The following CYRIA variants were observed in gnomAD, a reference collection of about 807,000 sequenced individuals.
The protein encoded by CYRIA is CYFIP related Rac1 interactor A, also known as CYFIP-related Rac1 interactor A.
A neutral mutation model predicts 43.9 loss-of-function variants in CYRIA; 15 were observed. The ratio of observed to expected loss-of-function variants is 0.34; its 90% CI spans 0.23 to 0.53. The LOEUF (loss-of-function observed/expected upper bound fraction) is 0.53, where lower values mean the gene tolerates loss of function less well. Ranked by LOEUF, CYRIA falls within the 20% of genes least tolerant of loss-of-function variation. The probability of loss-of-function intolerance (pLI) is 0.94; values close to 1 mark genes in which losing one functional copy is unlikely to be tolerated. For missense variants in CYRIA, 236 were observed against 394.2 expected, an observed-to-expected ratio of 0.60 and a Z score of 3.40; for synonymous variants, 117 against 136.0, an observed-to-expected ratio of 0.86 and a Z score of 0.97.
chr2:16,580,212 GT>G (rs978311222), intron 3 of CYRIA, among the ~76,000 whole-genome samples: 1 of 152,038 alleles, frequency 6.6e-6, no homozygotes, highest in Non-Finnish European at 1.5e-5. Context: ...CCTCCCAAAG[GT>G]ATGGTGGTAT....
At chr2:16,566,922 A>T (rs1018624279) in intron 3 of CYRIA, among the ~76,000 whole-genome samples, 2 of 152,048 alleles carry the variant, frequency 1.3e-5, no homozygotes, top group African/African-American at 4.8e-5. Flanking sequence ...ATCTTATCAA[A>T]CTCTGTTTTC....
intron 2 of CYRIA, among the ~76,000 whole-genome samples, chr2:16,592,947 A>G (rs115517265): frequency 5.9e-5 from 9 of 152,320 alleles, no homozygotes; most frequent in South Asian, 2.1e-4. Context: ...CCTCAAGAAT[A>G]TAAAGCACCA....
rs139964974 is a variant in CYRIA, at chr2:16,556,191, C to T, written c.838-1052G>A. On this transcript the variant is annotated intron_variant, in intron 10 of 11. Transcript: ENST00000381323. ...CTTGCATGTCAAAAGTTTTATCTTA[C>T]GGCCTGATAGACCCTGATAGACTGA... is the stretch of plus-strand genomic sequence containing the variant. 1.7e-4 allele frequency among the ~76,000 whole-genome samples: 26 copies of T among 152,208 alleles called. No individual in the cohort carries two copies. The East Asian group carries it at 3.9e-3, about 23-fold the overall frequency.
intron 1 of CYRIA, among the ~76,000 whole-genome samples, chr2:16,643,011 T>C (rs991634508): frequency 3.4e-5 from 5 of 149,004 alleles, no homozygotes; most frequent in African/African-American, 4.9e-5. Flanking sequence ...TTATTTATAA[T>C]AGTATACTAT....
At chr2:16,562,407 T>A (rs1159858141) in intron 5 of CYRIA, among the ~76,000 whole-genome samples, 3 of 152,122 alleles carry the variant, frequency 2.0e-5, no homozygotes, top group African/African-American at 7.2e-5. Flanking sequence ...TATTTAGTAA[T>A]CTCAATTTCT....
chr2:16,581,709 G>T (rs1301167294), intron 3 of CYRIA, among the ~76,000 whole-genome samples: 1 of 152,024 alleles, frequency 6.6e-6, no homozygotes, highest in Non-Finnish European at 1.5e-5. Flanking sequence ...CCACTCCTAG[G>T]TATTTACCCA....
At chr2:16,649,925 T>G (rs1669927659) in intron 1 of CYRIA, among the ~76,000 whole-genome samples, 1 of 151,762 alleles carries the variant, frequency 6.6e-6, no homozygotes, top group Admixed American at 6.6e-5. Context: ...CCAAATGGAG[T>G]GAAAATAGAA....
intron 2 of CYRIA, among the ~76,000 whole-genome samples, chr2:16,612,278 A>G (rs1201570501): frequency 6.6e-6 from 1 of 152,072 alleles, no homozygotes; most frequent in African/African-American, 2.4e-5. Flanking sequence ...TTAGAAAGAA[A>G]GAGGGAAGGA....
chr2:16,655,952 C>T (rs947800631), intron 1 of CYRIA, among the ~76,000 whole-genome samples: 3 of 152,120 alleles, frequency 2.0e-5, no homozygotes, highest in Non-Finnish European at 4.4e-5. Context: ...TGCTTTCTGC[C>T]AGTTAATGTC....
At chr2:16,590,364 C>G (rs1667883889) in intron 2 of CYRIA, among the ~76,000 whole-genome samples, 1 of 152,142 alleles carries the variant, frequency 6.6e-6, no homozygotes, top group African/African-American at 2.4e-5. Context: ...GGTCTGGAGT[C>G]ACTTCTTGTA....
intron 3 of CYRIA, among the ~76,000 whole-genome samples, chr2:16,568,840 T>C (rs1201556418): frequency 3.3e-5 from 5 of 152,188 alleles, no homozygotes; most frequent in African/African-American, 1.2e-4. Flanking sequence ...AGCGGTCACC[T>C]GGCTCCACCC....
intron 10 of CYRIA, among the ~76,000 whole-genome samples, chr2:16,556,295 G>A (rs1666518955): frequency 6.6e-6 from 1 of 152,084 alleles, no homozygotes; most frequent in Non-Finnish European, 1.5e-5. Flanking sequence ...CATGGCAAAC[G>A]AGAGGTGTCT....
chr2:16,620,339 A>T (rs927027443), intron 2 of CYRIA, among the ~76,000 whole-genome samples: 5 of 152,194 alleles, frequency 3.3e-5, no homozygotes, highest in African/African-American at 1.2e-4. Context: ...AACAAAACTT[A>T]TGTTCTAACC....
chr2:16,615,400 C>A (rs910238774), intron 2 of CYRIA, among the ~76,000 whole-genome samples: 6 of 152,164 alleles, frequency 3.9e-5, no homozygotes, highest in Admixed American at 3.9e-4. Context: ...TACAAGTGGG[C>A]CCCTTGATTA....
Position 16,575,062 on chromosome 2 carries a change from T to G in CYRIA, c.71-9295A>C, listed in dbSNP as rs966595488. 3.9e-5 allele frequency among the ~76,000 whole-genome samples: 6 copies of G among 152,312 alleles called. 1 individual carries two copies. The East Asian group carries it at 1.2e-3, about 29-fold the overall frequency. On this transcript the variant is annotated intron_variant, in intron 3 of 11. Transcript: ENST00000381323. ...CCCTGCAAAGCTAAAGGCGCAGAGA[T>G]GCCCAAGGCCTTGGGAGCCCACCTC...
intron 2 of CYRIA, among the ~76,000 whole-genome samples, chr2:16,605,782 A>G (rs552825589): frequency 6.6e-6 from 1 of 152,316 alleles, no homozygotes; most frequent in South Asian, 2.1e-4. Flanking sequence ...TTTCTTCAGA[A>G]TTCATTCTCA....
At chr2:16,563,507 G>T (rs576619559) in intron 5 of CYRIA, among the ~76,000 whole-genome samples, 14 of 152,262 alleles carry the variant, frequency 9.2e-5, no homozygotes, top group African/African-American at 3.4e-4. Context: ...TTTCCAACCA[G>T]ATTTGGCATT....
Position 16,551,883 on chromosome 2 carries a change from T to C in CYRIA, c.*1053A>G, listed in dbSNP as rs1163588855. The C allele has an allele frequency of 1.3e-5, 2 of 152,126 alleles. No homozygotes were observed. The highest frequency in any genetic ancestry group is 4.8e-5 in the African/African-American group (2 of 41,438). 9.4% of individuals were successfully genotyped at this position (152,126 alleles called of 1,614,324 possible). On this transcript the variant is annotated 3_prime_UTR_variant, in exon 12 of 12. Coordinates refer to ENST00000381323, the MANE Select transcript of CYRIA (RefSeq NM_030797.4). ...AAATTCAGGTGCACCAGGGCTTTTA[T>C]ATTGCAACAAGCTAGCAACGGGGTT...
intron 4 of CYRIA, among the ~76,000 whole-genome samples, chr2:16,565,351 T>A (rs904022267): frequency 6.6e-6 from 1 of 152,036 alleles, no homozygotes; most frequent in Non-Finnish European, 1.5e-5. Context: ...GCCCAGCTAA[T>A]TTTTTTGTAT....
Sources: gnomAD v4.1 joint callset for allele counts (sites outside exome capture counted in the v4.1 genomes callset) on GRCh38, gnomAD v4.1.1 for gene constraint, MANE v1.5 for transcripts, NCBI Gene and HGNC (gene_info 2026-07-23, HGNC 2026-07-21) for gene names.